Variants in PIF1 observed in about 807,000 individuals in gnomAD.
PIF1 encodes the protein ATP-dependent DNA helicase PIF1.
A neutral mutation model predicts 62.3 loss-of-function variants in PIF1; 67 were observed. The ratio of observed to expected loss-of-function variants is 1.08; its 90% CI spans 0.88 to 1.32. The LOEUF (loss-of-function observed/expected upper bound fraction) is 1.32, where lower values mean the gene tolerates loss of function less well. PIF1 is among the 40% of genes most tolerant of loss of function. PIF1 has a pLI of 0.00. For missense variants in PIF1, 886 were observed against 866.1 expected (o/e 1.02, Z -0.29); for synonymous variants, 364 against 379.5 (o/e 0.96, Z 0.47).
Position 64,821,197 on chromosome 15 carries a change from C to G in PIF1, c.1056G>C (p.Lys352Asn), listed in dbSNP as rs1315677086. ...AGCAGAACCGTGGGGGCTGGGAGCC[C>G]TTGGTCACAGGTGGCAGCTGCAGAA... ...GDFLQLPPVT[K>N]GSQPPRFCFQ... Residue 352 changes from lysine to asparagine, a missense_variant, in exon 6 of 13, where the codon AAG (lysine) becomes AAC (asparagine). Physicochemically the swap from Lys to Asn is moderately conservative, Grantham distance 94. Transcript: ENST00000559239. 1.2e-6 allele frequency: 2 copies of G among 1,614,190 alleles called. No homozygotes were observed. Among genetic ancestry groups the G allele is most frequent in the Non-Finnish European group, 1.7e-6 (2 of 1,180,020 alleles).
At chr15:64,825,126 T>C (rs2084351489) in intron 1 of PIF1, among the ~76,000 whole-genome samples, 1 of 151,784 alleles carries the variant, frequency 6.6e-6, no homozygotes, top group Non-Finnish European at 1.5e-5. Flanking sequence ...CAGGGGTCCC[T>C]GCGCAGAAAG....
upstream of PIF1, among the ~76,000 whole-genome samples, chr15:64,826,495 A>G (rs978263764): frequency 6.7e-6 from 1 of 150,048 alleles, no homozygotes; most frequent in Non-Finnish European, 1.5e-5. Context: ...CAGTGGCACA[A>G]TCTCTGCTCA....
chr15:64,818,423 G>A, intron 9 of PIF1, 79 bp from the exon 10 acceptor site: 2 of 1,359,178 alleles, frequency 1.5e-6, no homozygotes, highest in Non-Finnish European at 2.1e-6. Context: ...GTTCTCAGAG[G>A]CTGAGGGCAG....
rs1201632111 is a variant in PIF1 at position 64,819,781 on chromosome 15, C to T, written c.1333+66G>A. 3.1e-6 allele frequency: 5 copies of T among 1,599,508 alleles called. No individual in the cohort carries two copies. In the Admixed American group the frequency reaches 6.7e-5, roughly 21 times the overall value. ...GCCTAGGACCCAGAGGCCCAGGTTG[C>T]CTGGGGGCTACATCTGCTTATAACT... On this transcript the variant is annotated intron_variant, in intron 8 of 12. Transcript: ENST00000559239.
Position 64,819,941 on chromosome 15 carries a change from G to A in PIF1, c.1239C>T (p.His413=). 6.2e-7 allele frequency: 1 copy of A among 1,614,212 alleles called. No individual in the cohort carries two copies. Among genetic ancestry groups the A allele is most frequent in the Non-Finnish European group, 8.5e-7 (1 of 1,180,026 alleles). ...VTRQLQATAS[H]KVGRDGIVAT... Reference sequence around the variant, plus strand: ...CCACAATCCCATCTCGCCCCACCTTGTGGGAAGCTGTGGCCTGGAGCTGGC... The same window carrying A: ...CCACAATCCCATCTCGCCCCACCTTATGGGAAGCTGTGGCCTGGAGCTGGC... Residue 413 remains histidine (H), a synonymous_variant, in exon 8 of 13, where the codon CAC becomes CAT. Coordinates refer to ENST00000559239, the MANE Select transcript of PIF1 (RefSeq NM_001286496.2).
At position 64,821,433 on chromosome 15, in the gene PIF1, C is replaced by G. The variant is rs143251329; in HGVS notation, c.905G>C (p.Arg302Pro). The G allele has an allele frequency of 2.5e-6, 4 of 1,614,174 alleles. No individual in the cohort carries two copies. In the East Asian group the frequency reaches 8.9e-5, roughly 36 times the overall value. The stretch of plus-strand genomic sequence containing the variant: ...CATTGAGATCTCGTCAATGACCAAC[C>G]GCTGGCAGTTCAGCCAGCCCTGCCG... ...GVRQGWLNCQ[R>P]LVIDEISMVE... Residue 302 changes from arginine (R) to proline (P), a missense_variant, in exon 5 of 13, where the codon CGG (arginine) becomes CCG (proline). Physicochemically the swap from Arg to Pro is moderately radical, Grantham distance 103. Transcript: ENST00000559239.
At position 64,823,952 on chromosome 15, in the gene PIF1, CGG is replaced by C; in HGVS notation, c.382_383del (p.Pro128GlyfsTer57). ...CTCGGGCGGAGGCCGGCCCGGGACC[CGG>C]GGCCGCAGCCAGCTTGAGGCGCAAT... Reference protein sequence around the residue: ...RTLRLKLAAAPGPGPASARAQ... With the variant: ...RTLRLKLAAAXGPGPASARAQ... On this transcript the variant is annotated frameshift_variant, in exon 2 of 13. Transcript: ENST00000559239. LOFTEE classifies it high-confidence loss of function. The C allele has an allele frequency of 8.4e-6, 11 of 1,306,036 alleles. No homozygotes were observed. The highest frequency in any genetic ancestry group is 1.1e-5 in the Non-Finnish European group (11 of 1,024,876). The allele number at this position is 1,306,036 out of a possible 1,614,324, so 80.9% of individuals were successfully genotyped here.
At chr15:64,821,346 C>A (rs1219281029) in intron 5 of PIF1, 21 bp downstream of exon 5, 1 of 1,613,896 alleles carries the variant, frequency 6.2e-7, no homozygotes, top group East Asian at 2.2e-5. Flanking sequence ...TTCTCACCTG[C>A]TGCCCTCTGA....
In PIF1 at chr15:64,819,104, G is replaced by A; in HGVS notation, c.1440+13C>T. The A allele has an allele frequency of 1.3e-6, 2 of 1,571,698 alleles. No individual in the cohort carries two copies. The highest frequency in any genetic ancestry group is 1.7e-6 in the Non-Finnish European group (2 of 1,165,106). On this transcript the variant is annotated intron_variant, in intron 9 of 12. Coordinates refer to ENST00000559239, the MANE Select transcript of PIF1 (RefSeq NM_001286496.2). Reference sequence around the variant, plus strand: ...CCCAAGCTCCCAGGGGCTAGGCCCTGCTTCCCACTCACCTGGGCCCCCAGC... The same window carrying A: ...CCCAAGCTCCCAGGGGCTAGGCCCTACTTCCCACTCACCTGGGCCCCCAGC...
At position 64,821,425 on chromosome 15, in the gene PIF1, T is replaced by C. The variant is rs373677848; in HGVS notation, c.913A>G (p.Ile305Val). 1.7e-5 allele frequency: 28 copies of C among 1,614,176 alleles called. No homozygotes were observed. In the South Asian group the frequency reaches 1.9e-4, roughly 11 times the overall value. ...GCCTCCACCATTGAGATCTCGTCAA[T>C]GACCAACCGCTGGCAGTTCAGCCAG... ...QGWLNCQRLV[I>V]DEISMVEADL... Residue 305 changes from isoleucine to valine, a missense_variant, in exon 5 of 13, where the codon ATT becomes GTT. Physicochemically the swap from Ile to Val is conservative, Grantham distance 29. Coordinates refer to ENST00000559239, the MANE Select transcript of PIF1 (RefSeq NM_001286496.2).
At position 64,819,142 on chromosome 15, in the gene PIF1, A is replaced by T. The variant is rs747715356; in HGVS notation, c.1415T>A (p.Leu472His). 62 of 1,595,432 alleles carry T rather than the reference A, an allele frequency of 3.9e-5. No individual in the cohort carries two copies. Among genetic ancestry groups the T allele is most frequent in the Non-Finnish European group, 5.1e-5 (60 of 1,174,856 alleles). ...TLDAQCPVSQ[L>H]LQLKLGAQVM... ...CTGGGCCCCCAGCTTTAGTTGAAGG[A>T]GCTGGCTAACAGGACACTGGGCATC... is the stretch of plus-strand genomic sequence containing the variant. Residue 472 changes from leucine (L) to histidine (H), a missense_variant, in exon 9 of 13, where the codon CTC (leucine) becomes CAC (histidine). Leu to His is a moderately conservative substitution (Grantham distance 99). Coordinates refer to ENST00000559239, the MANE Select transcript of PIF1 (RefSeq NM_001286496.2).
Position 64,823,882 on chromosome 15 carries a change from G to GGCTGAT in PIF1, c.448_453dup (p.Ile150_Ser151dup). 7.2e-7 allele frequency: 1 copy of GGCTGAT among 1,388,854 alleles called. No individual in the cohort carries two copies. The highest frequency in any genetic ancestry group is 9.4e-7 in the Non-Finnish European group (1 of 1,060,952). The allele number at this position is 1,388,854 out of a possible 1,614,324, so 86.0% of individuals were successfully genotyped here. Reference sequence around the variant, plus strand: ...AGCCGCCGCTCCTCGGGCTGCACAGGGCTGATGGTGACGAAGTCGCGGGGC... The same window carrying GGCTGAT: ...AGCCGCCGCTCCTCGGGCTGCACAGGGCTGATGCTGATGGTGACGAAGTCGCGGGGC... On this transcript the variant is annotated inframe_insertion, in exon 2 of 13. Coordinates refer to ENST00000559239, the MANE Select transcript of PIF1 (RefSeq NM_001286496.2).
Position 64,818,026 on chromosome 15 carries a change from G to T in PIF1, c.1594C>A (p.Gln532Lys), listed in dbSNP as rs780952446. The T allele has an allele frequency of 1.9e-6, 3 of 1,613,586 alleles. No homozygotes were observed. The African/African-American group carries it at 4.0e-5, about 22-fold the overall frequency. The change falls in exon 11 of 13, where the codon CAG (glutamine) becomes AAG (lysine). Residue 532 changes from glutamine to lysine, a missense_variant. By Grantham distance (53) the Gln-to-Lys change is moderately conservative. Transcript: ENST00000559239. ...CTGAGGAGCTGGCCCCCGGTGGCCT[G>T]CACCGTCCAGCGGTCAGCGTGGATG... ...EVIHADRWTV[Q>K]ATGGQLLSRQ...
In PIF1 at chr15:64,824,178, A is replaced by G. The variant is rs2084333549; in HGVS notation, c.158T>C (p.Leu53Ser). The change falls in exon 2 of 13, where the codon TTG (leucine) becomes TCG (serine). Residue 53 changes from leucine (L) to serine (S), a missense_variant. Leu to Ser is a moderately radical substitution (Grantham distance 145). Coordinates refer to ENST00000559239, the MANE Select transcript of PIF1 (RefSeq NM_001286496.2). ...LSLGRNERRELMLRLQAPGPA... is the reference protein window; with the variant it reads ...LSLGRNERRESMLRLQAPGPA... ...CCCTGGCGCTTGCAGCCGCAGCATC[A>G]ACTCGCGGCGCTCGTTGCGACCCAG... The G allele has an allele frequency of 2.2e-6, 3 of 1,336,128 alleles. No individual in the cohort carries two copies. Among genetic ancestry groups the G allele is most frequent in the Non-Finnish European group, 2.9e-6 (3 of 1,040,206 alleles). The allele number at this position is 1,336,128 out of a possible 1,614,324, so 82.8% of individuals were successfully genotyped here. A position where few individuals can be genotyped will look rare whatever the true frequency, so the allele number is the denominator to read the frequency against.
In PIF1 at chr15:64,816,412, T is replaced by C. The variant is rs917902098; in HGVS notation, c.1867-55A>G. 9.3e-6 allele frequency: 15 copies of C among 1,605,236 alleles called. No individual in the cohort carries two copies. In the Admixed American group the frequency reaches 2.3e-4, roughly 25 times the overall value. On this transcript the variant is annotated intron_variant, in intron 12 of 12. Transcript: ENST00000559239. The stretch of plus-strand genomic sequence containing the variant: ...GGGTTTGTGCTGTTCCCCAGGACCA[T>C]AACCTGGGGGCCAGCATCTCTTTCC...
Position 64,819,172 on chromosome 15 carries a change from G to A in PIF1, c.1385C>T (p.Thr462Ile), listed in dbSNP as rs1436595753. 1 of 1,602,280 alleles carries A rather than the reference G, an allele frequency of 6.2e-7. No homozygotes were observed. The highest frequency in any genetic ancestry group is 8.5e-7 in the Non-Finnish European group (1 of 1,176,752). The change falls in exon 9 of 13, where the codon ACC (threonine) becomes ATC (isoleucine). Residue 462 changes from threonine to isoleucine, a missense_variant. Thr to Ile is a moderately conservative substitution (Grantham distance 89). Transcript: ENST00000559239. ...AMDSNPELASTLDAQCPVSQL... is the reference protein window; with the variant it reads ...AMDSNPELASILDAQCPVSQL... ...GCTAACAGGACACTGGGCATCCAGG[G>A]TACTGGCCAGCTCAGGGTTGCTGTC...
chr15:64,818,460 C>T (rs750465945), intron 9 of PIF1, 116 bp from the exon 10 acceptor site: 9 of 935,678 alleles, frequency 9.6e-6, no homozygotes, highest in Non-Finnish European at 1.5e-5. Flanking sequence ...CACTGAATCC[C>T]AATCCTTAGC....
At position 64,819,968 on chromosome 15, in the gene PIF1, G is replaced by A; in HGVS notation, c.1212C>T (p.Thr404=). 2 of 1,614,002 alleles carry A rather than the reference G, an allele frequency of 1.2e-6. No homozygotes were observed. Among genetic ancestry groups the A allele is most frequent in the Non-Finnish European group, 1.7e-6 (2 of 1,179,952 alleles). Residue 404 remains threonine (T), a synonymous_variant, in exon 8 of 13, where the codon ACC becomes ACT. Transcript: ENST00000559239. ...GGGAAGCTGTGGCCTGGAGCTGGCGGGTCACCTCATCTGAACACCTGTTGG... is the reference window on the plus strand; with the variant it reads ...GGGAAGCTGTGGCCTGGAGCTGGCGAGTCACCTCATCTGAACACCTGTTGG... ...VRLGRCSDEV[T]RQLQATASHK... is the part of the protein sequence containing the mutation.
upstream of PIF1, among the ~76,000 whole-genome samples, chr15:64,826,906 G>C (rs1361655302): frequency 6.6e-6 from 1 of 151,418 alleles, no homozygotes; most frequent in African/African-American, 2.4e-5. Context: ...TGAGAAAAAA[G>C]CAAGGCTTCC....
Sources: allele counts gnomAD v4.1 joint callset (sites outside exome capture counted in the v4.1 genomes callset), GRCh38; gene constraint gnomAD v4.1.1; transcripts MANE v1.5; gene names NCBI Gene and HGNC (gene_info 2026-07-23, HGNC 2026-07-21).